Variants in PCDHGA10 observed in about 807,000 individuals in gnomAD.
PCDHGA10 encodes the protein protocadherin gamma-A10.
Under a neutral mutation model 59.5 loss-of-function variants are expected in PCDHGA10, and 42 were observed. The observed-to-expected ratio is 0.71, with a 90% CI of 0.55 to 0.91. PCDHGA10 has a LOEUF of 0.91. PCDHGA10 is among the 40% of genes least tolerant of loss of function. The pLI is 0.00. For missense variants in PCDHGA10, 1,111 were observed against 1,198.2 expected, an observed-to-expected ratio of 0.93 and a Z score of 1.07; for synonymous variants, 511 against 517.2, an observed-to-expected ratio of 0.99 and a Z score of 0.16.
In PCDHGA10 at chr5:141,415,612, G is replaced by A. The variant is rs745660439; in HGVS notation, c.2436+1G>A. 12 of 1,612,854 alleles carry A rather than the reference G, an allele frequency of 7.4e-6. No homozygotes were observed. The South Asian group carries it at 1.2e-4, about 16-fold the overall frequency. ...TATAGAGGATACCCCATTGGTTCCA[G>A]TGAGTTTTATTTTCATTTTTACTTT... On this transcript the variant is annotated splice_donor_variant, in intron 1 of 3. Transcript: ENST00000398610. LOFTEE classifies it high-confidence loss of function.
intron 1 of PCDHGA10, among the ~76,000 whole-genome samples, chr5:141,458,663 G>A (rs1045303205): frequency 2.6e-5 from 4 of 151,804 alleles, no homozygotes; most frequent in Admixed American, 6.6e-5. Context: ...TCCACCTCTC[G>A]GGTTCAAGCA....
chr5:141,438,513 A>G (rs2097964808), intron 1 of PCDHGA10, among the ~76,000 whole-genome samples: 1 of 148,768 alleles, frequency 6.7e-6, no homozygotes, highest in Non-Finnish European at 1.5e-5. Context: ...TGCAAAACCA[A>G]TTATTTTACA....
intron 1 of PCDHGA10, chr5:141,468,351 A>G (rs1030472813): frequency 6.7e-6 from 1 of 149,192 alleles, no homozygotes; most frequent in Non-Finnish European, 1.5e-5. Context: ...AAAAAAAAAG[A>G]AAGAAAAAAG....
chr5:141,467,008 A>T (rs1319152720), intron 1 of PCDHGA10, among the ~76,000 whole-genome samples: 1 of 150,270 alleles, frequency 6.7e-6, no homozygotes, highest in African/African-American at 2.4e-5. Context: ...TTGCAATGCA[A>T]TTTTTTTCCC....
In PCDHGA10 at chr5:141,431,553, A is replaced by G; in HGVS notation, c.2436+15942A>G. ...TTGGGCACGCAGCTGCTTGTAGTCA[A>G]CGCTACCGACCCTGACGAAGGAGTC... On this transcript the variant is annotated intron_variant, in intron 1 of 3. Transcript: ENST00000398610. The surrounding 1 kb of genome is among the most constrained non-coding windows in gnomAD (Gnocchi z 4.8). 1.2e-6 allele frequency: 2 copies of G among 1,614,112 alleles called. No individual in the cohort carries two copies. Among genetic ancestry groups the G allele is most frequent in the Non-Finnish European group, 1.7e-6 (2 of 1,180,020 alleles).
chr5:141,455,627 A>G (rs1426625737), intron 1 of PCDHGA10, among the ~76,000 whole-genome samples: 2 of 152,104 alleles, frequency 1.3e-5, no homozygotes, highest in East Asian at 3.9e-4. Context: ...ACACGTGGAG[A>G]TATGTGGGGG....
chr5:141,426,865 T>G (rs2096965950), intron 1 of PCDHGA10: 1 of 456,600 alleles, frequency 2.2e-6, no homozygotes, highest in African/African-American at 2.0e-5. Flanking sequence ...GAATTAGTGC[T>G]GGAGAAGCCC....
chr5:141,501,030 A>G (rs2099805050), intron 2 of PCDHGA10, among the ~76,000 whole-genome samples: 1 of 151,848 alleles, frequency 6.6e-6, no homozygotes, highest in Admixed American at 6.6e-5. Flanking sequence ...CACCACGCCC[A>G]GCTAATTTTT....
intron 1 of PCDHGA10, chr5:141,478,484 C>T (rs376021397): frequency 6.2e-7 from 1 of 1,613,458 alleles, no homozygotes; most frequent in South Asian, 1.1e-5. Flanking sequence ...GAACACGCTG[C>T]GGAGCTGTGA....
chr5:141,491,126 G>A lies in PCDHGA10; in HGVS notation c.2437-3681G>A, dbSNP rs768294944. 1.4e-5 allele frequency: 23 copies of A among 1,613,978 alleles called. No individual in the cohort carries two copies. In the East Asian group the frequency reaches 3.1e-4, roughly 22 times the overall value. On this transcript the variant is annotated intron_variant, in intron 1 of 3. Transcript: ENST00000398610. This position sits in a 1 kb window ranked among gnomAD's most constrained non-coding sequence, Gnocchi z 6.9. ...GTGTCTACACACACTGGTGAGGTGCGCACAGCCCGGGCCTTACTGGAGGAT... is the reference window on the plus strand; with the variant it reads ...GTGTCTACACACACTGGTGAGGTGCACACAGCCCGGGCCTTACTGGAGGAT...
chr5:141,503,417 A>T (rs1431276679), intron 2 of PCDHGA10, among the ~76,000 whole-genome samples: 2 of 151,968 alleles, frequency 1.3e-5, no homozygotes, highest in Non-Finnish European at 2.9e-5. Flanking sequence ...CAATATGGTG[A>T]AACCCCATCT....
At chr5:141,418,641 T>C in intron 1 of PCDHGA10, 3 of 1,614,028 alleles carry the variant, frequency 1.9e-6, no homozygotes, top group Non-Finnish European at 2.5e-6. Flanking sequence ...GGCACCTCCA[T>C]CCTGAGAGTG....
Position 141,477,068 on chromosome 5 carries a change from C to G in PCDHGA10, c.2437-17739C>G. The G allele has an allele frequency of 6.2e-7, 1 of 1,614,268 alleles. No individual in the cohort carries two copies. Among genetic ancestry groups the G allele is most frequent in the Non-Finnish European group, 8.5e-7 (1 of 1,180,046 alleles). On this transcript the variant is annotated intron_variant, in intron 1 of 3. Coordinates refer to ENST00000398610, the MANE Select transcript of PCDHGA10 (RefSeq NM_018913.3). This position sits in a 1 kb window ranked among gnomAD's most constrained non-coding sequence, Gnocchi z 4.9. ...GCTGGACTTCGAGGACACCAAACTC[C>G]ATGAGATTTACATCCAGGCCAAAGA...
Position 141,432,466 on chromosome 5 carries a change from G to A in PCDHGA10, c.2436+16855G>A, listed in dbSNP as rs149116648. 5.7e-4 allele frequency: 913 copies of A among 1,614,208 alleles called. 6 individuals carry two copies. In the African/African-American group the frequency reaches 0.011, roughly 19 times the overall value. On this transcript the variant is annotated intron_variant, in intron 1 of 3. Transcript: ENST00000398610. This position sits in a 1 kb window ranked among gnomAD's most constrained non-coding sequence, Gnocchi z 6.0. The stretch of plus-strand genomic sequence containing the variant: ...AGATCCTGTACCCCGCCCTCCCCAC[G>A]GACGGTTCCACTGGCGTGGAGCTGG...
At position 141,415,579 on chromosome 5, in the gene PCDHGA10, A is replaced by G; in HGVS notation, c.2404A>G (p.Lys802Glu). 6.2e-7 allele frequency: 1 copy of G among 1,614,072 alleles called. No homozygotes were observed. The highest frequency in any genetic ancestry group is 2.2e-5 in the East Asian group (1 of 44,862). Residue 802 changes from lysine (K) to glutamate (E), a missense_variant, in exon 1 of 4, where the codon AAG (lysine) becomes GAG (glutamate). Physicochemically the swap from Lys to Glu is moderately conservative, Grantham distance 56. Transcript: ENST00000398610. The stretch of plus-strand genomic sequence containing the variant: ...TCCTTTGTCTTTGTTAGATGATTCG[A>G]AGTTTCCTATAGAGGATACCCCATT... ...NDPLSLLDDS[K>E]FPIEDTPLVP...
chr5:141,423,864 G>A (rs180692491), intron 1 of PCDHGA10: 551 of 1,284,224 alleles, frequency 4.3e-4, no homozygotes, highest in Non-Finnish European at 5.0e-4. Context: ...TTTTGTGAAA[G>A]TCATTTTTCA....
At position 141,431,495 on chromosome 5, in the gene PCDHGA10, G is replaced by A. The variant is rs557611439; in HGVS notation, c.2436+15884G>A. The A allele has an allele frequency of 4.3e-6, 7 of 1,613,864 alleles. No homozygotes were observed. The highest frequency in any genetic ancestry group is 1.1e-5 in the South Asian group (1 of 91,092). On this transcript the variant is annotated intron_variant, in intron 1 of 3. Coordinates refer to ENST00000398610, the MANE Select transcript of PCDHGA10 (RefSeq NM_018913.3). This position sits in a 1 kb window ranked among gnomAD's most constrained non-coding sequence, Gnocchi z 4.8. ...CAACGCACCAGCGTTTGCTCAGCCC[G>A]AGTACCGCGCGAGCGTTCCGGAGAA...
rs775380177 is a variant in PCDHGA10, at chr5:141,422,666, C to T, written c.2436+7055C>T. The T allele has an allele frequency of 3.1e-6, 5 of 1,608,026 alleles. No individual in the cohort carries two copies. In the South Asian group the frequency reaches 3.3e-5, roughly 11 times the overall value. ...ATCTTCTCAGTGACCGCCCTCGACC[C>T]GGACAGCAAACAGAATGCCCTGGTC... On this transcript the variant is annotated intron_variant, in intron 1 of 3. Transcript: ENST00000398610.
Position 141,511,376 on chromosome 5 carries a change from G to C in PCDHGA10, c.*203G>C. ...CCAGGGGGTTGAATATGCAAAAGCA[G>C]TTCCGCTGGGAACCCCCATCCAATC... On this transcript the variant is annotated 3_prime_UTR_variant, in exon 4 of 4. Coordinates refer to ENST00000398610, the MANE Select transcript of PCDHGA10 (RefSeq NM_018913.3). 1 of 1,211,520 alleles carries C rather than the reference G, an allele frequency of 8.3e-7. No homozygotes were observed. The allele number at this position is 1,211,520 out of a possible 1,614,324, so 75.0% of individuals were successfully genotyped here.
Sources: allele counts gnomAD v4.1 joint callset (sites outside exome capture counted in the v4.1 genomes callset), GRCh38; gene constraint gnomAD v4.1.1; non-coding constraint Gnocchi (gnomAD v3.1); transcripts MANE v1.5; gene names NCBI Gene and HGNC (gene_info 2026-07-23, HGNC 2026-07-21).